The following FNDC7 variants were observed in gnomAD, a reference collection of about 807,000 sequenced individuals.
The protein encoded by FNDC7 is fibronectin type III domain-containing protein 7.
In FNDC7, 66 loss-of-function variants were observed where a neutral mutation model predicts 74.2. The ratio of observed to expected loss-of-function variants is 0.89; its 90% CI spans 0.73 to 1.09. The LOEUF is 1.09. FNDC7 is among the 50% of genes least tolerant of loss of function. The pLI is 0.00. For synonymous variants in FNDC7, 307 were observed against 330.2 expected, an observed-to-expected ratio of 0.93 and a Z score of 0.76; for missense variants, 829 against 893.4, an observed-to-expected ratio of 0.93 and a Z score of 0.92.
chr1:108,721,008 C>T (rs1661080544), intron 4 of FNDC7, among the ~76,000 whole-genome samples: 1 of 152,200 alleles, frequency 6.6e-6, no homozygotes, highest in Non-Finnish European at 1.5e-5. Context: ...TGCCCTAAAA[C>T]ACTGCAGGCT....
At chr1:108,741,566 C>T (rs1456797164) in intron 11 of FNDC7, among the ~76,000 whole-genome samples, 2 of 152,280 alleles carry the variant, frequency 1.3e-5, no homozygotes, top group South Asian at 4.1e-4. Context: ...TTTGGTGAAG[C>T]AGGAGAGAGA....
intron 4 of FNDC7, among the ~76,000 whole-genome samples, chr1:108,719,745 T>TGAGA (rs67387432): frequency 1.8e-3 from 261 of 148,326 alleles, no homozygotes; most frequent in South Asian, 3.9e-3. Context: ...GCCAAGCGAA[T>TGAGA]GAGAGAGAGA....
At chr1:108,741,211 A>G (rs1570739219) in intron 11 of FNDC7, among the ~76,000 whole-genome samples, 1 of 150,354 alleles carries the variant, frequency 6.7e-6, no homozygotes, top group African/African-American at 2.4e-5. Flanking sequence ...AAGGGAAAGG[A>G]AAAAAAAAAC....
chr1:108,713,118 T>C, intron 1 of FNDC7, 122 bp downstream of exon 1: 1 of 888,488 alleles, frequency 1.1e-6, no homozygotes, highest in East Asian at 2.6e-5. Flanking sequence ...AATACTTTGG[T>C]TTGTACCGAG....
Position 108,733,421 on chromosome 1 carries a change from A to T in FNDC7, c.2029A>T (p.Ser677Cys). The stretch of plus-strand genomic sequence containing the variant: ...CACGTGCACCCCGAGTGCTGGCCTC[A>T]GTTTCTGTGATGTCACTGAGATACC... ...IFTCTPSAGL[S>C]FCDVTEIPCG... is the part of the protein sequence containing the mutation. Residue 677 changes from serine (S) to cysteine (C), a missense_variant, in exon 10 of 13, where the codon AGT becomes TGT. Coordinates refer to ENST00000370017, the MANE Select transcript of FNDC7 (RefSeq NM_001144937.3). 6.2e-7 allele frequency: 1 copy of T among 1,614,136 alleles called. No homozygotes were observed. Among genetic ancestry groups the T allele is most frequent in the Non-Finnish European group, 8.5e-7 (1 of 1,180,036 alleles).
intron 4 of FNDC7, among the ~76,000 whole-genome samples, chr1:108,721,490 C>T (rs1310875977): frequency 6.6e-6 from 1 of 152,026 alleles, no homozygotes; most frequent in East Asian, 1.9e-4. Context: ...AAAAAAGAGG[C>T]CTTCCCTGTT....
At position 108,717,781 on chromosome 1, in the gene FNDC7, T is replaced by G. The variant is rs185233039; in HGVS notation, c.87T>G (p.Pro29=). 375 of 1,551,640 alleles carry G rather than the reference T, an allele frequency of 2.4e-4. 1 individual carries two copies. In the African/African-American group the frequency reaches 4.5e-3, roughly 19 times the overall value. The change falls in exon 3 of 13, where the codon CCT becomes CCG. Residue 29 remains proline, a synonymous_variant. Coordinates refer to ENST00000370017, the MANE Select transcript of FNDC7 (RefSeq NM_001144937.3). ...CAACTCTAAAACCTCTTTCAGCTCCTGAAATACCCACTATTGATCAGGCAT... is the reference window on the plus strand; with the variant it reads ...CAACTCTAAAACCTCTTTCAGCTCCGGAAATACCCACTATTGATCAGGCAT... The part of the protein sequence containing the change: ...LKMVASAKSA[P]EIPTIDQAYS...
chr1:108,731,922 T>C (rs944182513), intron 9 of FNDC7, among the ~76,000 whole-genome samples: 2 of 152,218 alleles, frequency 1.3e-5, no homozygotes, highest in African/African-American at 4.8e-5. Context: ...CTTATTCTTT[T>C]AAGAATAAAT....
chr1:108,741,900 A>G, intron 12 of FNDC7, 25 bp from the exon 13 acceptor site: 1 of 1,279,264 alleles, frequency 7.8e-7, no homozygotes, highest in Non-Finnish European at 1.1e-6. Context: ...TCTTTGTTTA[A>G]AATGTTTTCC....
chr1:108,741,218 A>C (rs1661636248), intron 11 of FNDC7, among the ~76,000 whole-genome samples: 1 of 152,212 alleles, frequency 6.6e-6, no homozygotes, highest in Non-Finnish European at 1.5e-5. Flanking sequence ...AGGAAAAAAA[A>C]AACCTATTTG....
rs751067992 is a variant in FNDC7 at position 108,725,763 on chromosome 1, C to CG, written c.872dup (p.Arg292LysfsTer23). 238 of 1,613,990 alleles carry CG rather than the reference C, an allele frequency of 1.5e-4. No individual in the cohort carries two copies. In the African/African-American group the frequency reaches 3.0e-3, roughly 20 times the overall value. Reference sequence around the variant, plus strand: ...ATCATTTCCTAGTTGCTTGTGCACCCGGAAGAGTGACGATCCAAGAAGATC... The same window carrying CG: ...ATCATTTCCTAGTTGCTTGTGCACCCGGGAAGAGTGACGATCCAAGAAGATC... On this transcript the variant is annotated frameshift_variant, in exon 6 of 13. Coordinates refer to ENST00000370017, the MANE Select transcript of FNDC7 (RefSeq NM_001144937.3). LOFTEE classifies it high-confidence loss of function.
At chr1:108,737,433 T>G (rs1422238133) in intron 10 of FNDC7, 62 bp from the exon 11 acceptor site, 1 of 1,398,114 alleles carries the variant, frequency 7.2e-7, no homozygotes, top group African/African-American at 1.5e-5. Flanking sequence ...AAGTTAAATC[T>G]TCACTATCTT....
At chr1:108,726,413 G>C (rs955319922) in intron 6 of FNDC7, among the ~76,000 whole-genome samples, 6 of 152,312 alleles carry the variant, frequency 3.9e-5, no homozygotes, top group African/African-American at 1.4e-4. Context: ...CTTTGGAGTA[G>C]GACACCTGGG....
At position 108,722,406 on chromosome 1, in the gene FNDC7, C is replaced by A. The variant is rs776315429; in HGVS notation, c.670C>A (p.Arg224=). 6.2e-7 allele frequency: 1 copy of A among 1,614,160 alleles called. No homozygotes were observed. Residue 224 remains arginine, a synonymous_variant, in exon 5 of 13, where the codon CGG becomes AGG. Coordinates refer to ENST00000370017, the MANE Select transcript of FNDC7 (RefSeq NM_001144937.3). ...GALKASFSWA[R]AEGAFNYTVM... ...TCTGAAGGCATCTTTTTCCTGGGCA[C>A]GGGCAGAAGGAGCTTTCAATTATAC... is the stretch of plus-strand genomic sequence containing the variant.
chr1:108,740,783 A>G (rs1661626214), intron 11 of FNDC7, among the ~76,000 whole-genome samples: 1 of 152,246 alleles, frequency 6.6e-6, no homozygotes, highest in Non-Finnish European at 1.5e-5. Context: ...TTAAATGAGA[A>G]TGTAAATTAT....
At chr1:108,724,754 C>CAA (rs113049934) in intron 5 of FNDC7, among the ~76,000 whole-genome samples, 21 of 127,474 alleles carry the variant, frequency 1.6e-4, no homozygotes, top group African/African-American at 5.6e-4. Context: ...ACCTTGTCTC[C>CAA]AAAAAAAAAA....
chr1:108,735,772 C>A (rs1325510220), intron 10 of FNDC7, among the ~76,000 whole-genome samples: 1 of 144,708 alleles, frequency 6.9e-6, no homozygotes, highest in Non-Finnish European at 1.5e-5. Context: ...GTCCACTGTA[C>A]TGGACAGAGA....
intron 6 of FNDC7, among the ~76,000 whole-genome samples, chr1:108,727,381 C>G (rs952141093): frequency 6.6e-6 from 1 of 152,118 alleles, no homozygotes; most frequent in African/African-American, 2.4e-5. Context: ...ACTGTGAGCC[C>G]TACCCCCCAG....
chr1:108,716,934 C>T (rs1383804053), intron 2 of FNDC7, among the ~76,000 whole-genome samples: 1 of 152,164 alleles, frequency 6.6e-6, no homozygotes, highest in Non-Finnish European at 1.5e-5. Flanking sequence ...ATATCCAAGA[C>T]ATTTTTGCAT....
Sources: gnomAD v4.1 joint callset for allele counts (sites outside exome capture counted in the v4.1 genomes callset) on GRCh38, gnomAD v4.1.1 for gene constraint, MANE v1.5 for transcripts, NCBI Gene and HGNC (gene_info 2026-07-23, HGNC 2026-07-21) for gene names.